SYTL2: variants seen among roughly 807,000 people sequenced by gnomAD.
SYTL2 encodes synaptotagmin-like protein 2.
A neutral mutation model predicts 198.7 loss-of-function variants in SYTL2; 165 were observed. The ratio of observed to expected loss-of-function variants is 0.83; its 90% CI spans 0.73 to 0.94. The LOEUF (loss-of-function observed/expected upper bound fraction) is 0.94, where lower values mean the gene tolerates loss of function less well. Among genes scored for constraint, SYTL2 ranks in the 40% least tolerant of loss-of-function variants. The pLI, the probability that SYTL2 is intolerant of heterozygous loss-of-function variation, is 0.00. For synonymous variants in SYTL2, 966 were observed against 917.7 expected (o/e 1.05, Z -0.95); for missense variants, 2,835 against 2,582.8 (o/e 1.10, Z -2.12).
chr11:85,791,827 T>C (rs1333085719), intron 1 of SYTL2, among the ~76,000 whole-genome samples: 1 of 152,114 alleles, frequency 6.6e-6, no homozygotes. Context: ...AGGGAATACA[T>C]GCAGCAAAGA....
Position 85,726,939 on chromosome 11 carries a change from T to C in SYTL2, c.2419A>G (p.Lys807Glu), listed in dbSNP as rs2089269754. The change falls in exon 8 of 20, where the codon AAG becomes GAG. Residue 807 changes from lysine to glutamate, a missense_variant. By Grantham distance (56) the Lys-to-Glu change is moderately conservative. Transcript: ENST00000359152. ...GATGTGGGTTTTTCATGAGTTATCT[T>C]AGCACCAGCTTTCTCTCCTTCCCAA... Reference protein sequence around the residue: ...SFWEGEKAGAKITHEKPTSSC... With the variant: ...SFWEGEKAGAEITHEKPTSSC... 6.5e-7 allele frequency: 1 copy of C among 1,536,670 alleles called. No individual in the cohort carries two copies.
In SYTL2 at chr11:85,762,157, T is replaced by C. The variant is rs112988151; in HGVS notation, c.-389-4043A>G. Among the ~76,000 whole-genome samples the C allele has an allele frequency of 2.3e-3, 343 of 152,304 alleles. 4 individuals carry two copies. The highest frequency in any genetic ancestry group is 7.6e-3 in the African/African-American group (316 of 41,568). ...AGGCAGAACAAAACCCCTGTCTCTG[T>C]GGACCCTCATTCTCTGCTTAAGTAT... On this transcript the variant is annotated intron_variant, in intron 1 of 19. Coordinates refer to ENST00000359152, the MANE Select transcript of SYTL2 (RefSeq NM_206927.4).
chr11:85,803,348 T>C (rs2092916812), intron 1 of SYTL2, among the ~76,000 whole-genome samples: 1 of 152,216 alleles, frequency 6.6e-6, no homozygotes, highest in Non-Finnish European at 1.5e-5. Context: ...CTCTCACTTA[T>C]CAAGTTGTGA....
chr11:85,772,201 T>C (rs2092369200), intron 1 of SYTL2, among the ~76,000 whole-genome samples: 1 of 152,176 alleles, frequency 6.6e-6, no homozygotes, highest in African/African-American at 2.4e-5. Flanking sequence ...TGATCCATTC[T>C]CCTTCTAACA....
intron 1 of SYTL2, among the ~76,000 whole-genome samples, chr11:85,789,354 A>ATATG (rs2092691493): frequency 1.7e-5 from 1 of 57,246 alleles, no homozygotes; most frequent in Non-Finnish European, 3.2e-5. Context: ...ATATATATAT[A>ATATG]TATATATATA....
chr11:85,734,475 G>C lies in SYTL2; in HGVS notation c.854C>G (p.Ser285Ter). 1 of 1,614,228 alleles carries C rather than the reference G, an allele frequency of 6.2e-7. No homozygotes were observed. The highest frequency in any genetic ancestry group is 8.5e-7 in the Non-Finnish European group (1 of 1,180,032). Reference protein sequence around the residue: ...KRNSSSSSTDSETLRYNHNFE... With the variant: ...KRNSSSSSTD ...GTTGTGATTATAACGAAGGGTTTCTGAGTCTGTGCTACTGGAACTGGAGTT... is the reference window on the plus strand; with the variant it reads ...GTTGTGATTATAACGAAGGGTTTCTCAGTCTGTGCTACTGGAACTGGAGTT... The change falls in exon 7 of 20, where the codon TCA (serine) becomes TGA (stop). Residue 285 changes from serine (S) to a stop codon, truncating the protein, a stop_gained. Transcript: ENST00000359152. LOFTEE classifies it high-confidence loss of function.
At chr11:85,777,542 G>T (rs1296048117) in intron 1 of SYTL2, among the ~76,000 whole-genome samples, 1 of 151,904 alleles carries the variant, frequency 6.6e-6, no homozygotes, top group East Asian at 1.9e-4. Context: ...GGCTAGAAAA[G>T]ATTTCAAGGT....
At chr11:85,793,001 G>A (rs1241778118) in intron 1 of SYTL2, among the ~76,000 whole-genome samples, 1 of 151,824 alleles carries the variant, frequency 6.6e-6, no homozygotes, top group Non-Finnish European at 1.5e-5. Context: ...GTGTATATGT[G>A]CCACATTTTC....
chr11:85,789,626 G>T (rs1238126170), intron 1 of SYTL2, among the ~76,000 whole-genome samples: 2 of 151,600 alleles, frequency 1.3e-5, no homozygotes, highest in Middle Eastern at 3.4e-3. Context: ...CTTACTATGT[G>T]CCAGGTACTA....
rs200574515 is a variant in SYTL2 at position 85,725,294 on chromosome 11, G to A, written c.4064C>T (p.Thr1355Ile). The change falls in exon 8 of 20, where the codon ACT becomes ATT. Residue 1355 changes from threonine to isoleucine, a missense_variant. Transcript: ENST00000359152. Reference sequence around the variant, plus strand: ...GGGTGGAAGAATGACTTTCTCTACAGTCTCCGAAATTTCCGTTTGAGAAGG... The same window carrying A: ...GGGTGGAAGAATGACTTTCTCTACAATCTCCGAAATTTCCGTTTGAGAAGG... Reference protein sequence around the residue: ...VHPSQTEISETVEKVILPPRP... With the variant: ...VHPSQTEISEIVEKVILPPRP... 9.2e-5 allele frequency: 148 copies of A among 1,613,968 alleles called. No homozygotes were observed. Among genetic ancestry groups the A allele is most frequent in the Non-Finnish European group, 1.2e-4 (144 of 1,180,006 alleles).
chr11:85,800,888 G>T (rs996143426), intron 1 of SYTL2, among the ~76,000 whole-genome samples: 1 of 152,170 alleles, frequency 6.6e-6, no homozygotes, highest in African/African-American at 2.4e-5. Context: ...TTCACATTGA[G>T]GCACCTCTAG....
chr11:85,832,998 AAAAAAAAGAAAGAAAAG>A, the SYTL2 span, among the ~76,000 whole-genome samples: 3 of 106,558 alleles, frequency 2.8e-5, no homozygotes, highest in Admixed American at 1.1e-4. Flanking sequence ...CCTGTCTCAA[AAAAAAAAGAAAGAAAAG>A]AAAGAAAGAA....
rs1208920928 is a variant in SYTL2 at position 85,725,735 on chromosome 11, G to C, written c.3623C>G (p.Ser1208Cys). The change falls in exon 8 of 20, where the codon TCT becomes TGT. Residue 1208 changes from serine to cysteine, a missense_variant. Ser to Cys is a moderately radical substitution (Grantham distance 112). Transcript: ENST00000359152. ...TVVHPKVKRNSLTASLDKLLK... is the reference protein window; with the variant it reads ...TVVHPKVKRNCLTASLDKLLK... The stretch of plus-strand genomic sequence containing the variant: ...GAGTTTGTCTAGACTAGCAGTCAAA[G>C]AGTTCCGTTTAACCTTTGGATGAAC... 6.2e-7 allele frequency: 1 copy of C among 1,614,128 alleles called. No individual in the cohort carries two copies. The highest frequency in any genetic ancestry group is 8.5e-7 in the Non-Finnish European group (1 of 1,179,996).
chr11:85,815,444 T>A (rs1260736938), upstream of SYTL2, among the ~76,000 whole-genome samples: 1 of 152,222 alleles, frequency 6.6e-6, no homozygotes, highest in African/African-American at 2.4e-5. Context: ...AATTTGTAAA[T>A]ACTGAATATT....
At chr11:85,837,217 C>T in the SYTL2 span, among the ~76,000 whole-genome samples, 1 of 152,172 alleles carries the variant, frequency 6.6e-6, no homozygotes, top group East Asian at 1.9e-4. Flanking sequence ...AGCCCTAACC[C>T]ACAATGTGAT....
At chr11:85,751,268 G>A (rs1036990760) in intron 2 of SYTL2, among the ~76,000 whole-genome samples, 4 of 151,976 alleles carry the variant, frequency 2.6e-5, no homozygotes, top group East Asian at 1.9e-4. Context: ...GTACTATTTC[G>A]TAGATAAATC....
At chr11:85,848,349 G>A in the SYTL2 span, among the ~76,000 whole-genome samples, 1 of 148,826 alleles carries the variant, frequency 6.7e-6, no homozygotes, top group South Asian at 2.1e-4. Flanking sequence ...TTTCTTTTTT[G>A]AATCATGTTT....
At chr11:85,814,459 A>C (rs1165694779), upstream of SYTL2, among the ~76,000 whole-genome samples, 1 of 152,226 alleles carries the variant, frequency 6.6e-6, no homozygotes, top group Admixed American at 6.5e-5. Flanking sequence ...GAGCTTAGAA[A>C]ACTGCAGGTA....
At chr11:85,721,039 T>C (rs1443894664) in intron 8 of SYTL2, 80 bp from the exon 9 acceptor site, 46 of 826,806 alleles carry the variant, frequency 5.6e-5, no homozygotes, top group Non-Finnish European at 8.9e-5. Flanking sequence ...ATAGAAATGG[T>C]AGGCTGAAAA....
Sources: allele counts gnomAD v4.1 joint callset (sites outside exome capture counted in the v4.1 genomes callset), GRCh38; gene constraint gnomAD v4.1.1; transcripts MANE v1.5; gene names NCBI Gene and HGNC (gene_info 2026-07-23, HGNC 2026-07-21).